Variants in DBNL observed in about 807,000 individuals in gnomAD.
The protein encoded by DBNL is drebrin-like protein.
DBNL carries 35 observed loss-of-function variants against 62.2 expected under a neutral mutation model. That is an observed-to-expected ratio of 0.56 (90% CI 0.43 to 0.75). The LOEUF is 0.75. Among genes scored for constraint, DBNL ranks in the 30% least tolerant of loss-of-function variants. The pLI, the probability that DBNL is intolerant of heterozygous loss-of-function variation, is 0.00. For missense variants in DBNL, 495 were observed against 578.4 expected (o/e 0.86, Z 1.48); for synonymous variants, 197 against 218.0 (o/e 0.90, Z 0.85).
Position 44,068,157 on chromosome 7 carries a change from G to A in DBNL, c.*7241G>A, listed in dbSNP as rs1296206469. 6.6e-6 allele frequency: 1 copy of A among 152,218 alleles called. No individual in the cohort carries two copies. Among genetic ancestry groups the A allele is most frequent in the East Asian group, 1.9e-4 (1 of 5,194 alleles). The allele number at this position is 152,218 out of a possible 1,614,324, so 9.4% of individuals were successfully genotyped here. On this transcript the variant is annotated 3_prime_UTR_variant, in exon 13 of 13. Transcript: ENST00000448521. ...AGAGGAGCCATGGCCCCAAAAGCAT[G>A]GGGCAACCACCTTCTGCAGCTCCTT...
chr7:44,059,128 C>A lies in DBNL; in HGVS notation c.835+145C>A. ...GAGAAGGGACACCTGGGGCCATTGA[C>A]CTCATCAGTGACCACACTGGTCACC... On this transcript the variant is annotated intron_variant, in intron 9 of 12. Coordinates refer to ENST00000448521, the MANE Select transcript of DBNL (RefSeq NM_001014436.3). The surrounding 1 kb of genome is among the most constrained non-coding windows in gnomAD (Gnocchi z 4.1). 1 of 982,438 alleles carries A rather than the reference C, an allele frequency of 1.0e-6. No individual in the cohort carries two copies. The highest frequency in any genetic ancestry group is 1.5e-6 in the Non-Finnish European group (1 of 662,956). The allele number at this position is 982,438 out of a possible 1,614,324, so 60.9% of individuals were successfully genotyped here.
Position 44,064,348 on chromosome 7 carries a change from C to A in DBNL, c.*3432C>A. On this transcript the variant is annotated 3_prime_UTR_variant, in exon 13 of 13. Transcript: ENST00000448521. Reference sequence around the variant, plus strand: ...CTCCAGAGGGAGATAGGTGGTGAAGCTCATGCAGGGATTCTGAGGACCTGA... The same window carrying A: ...CTCCAGAGGGAGATAGGTGGTGAAGATCATGCAGGGATTCTGAGGACCTGA... 1 of 211,156 alleles carries A rather than the reference C, an allele frequency of 4.7e-6. No individual in the cohort carries two copies. The highest frequency in any genetic ancestry group is 1.2e-4 in the East Asian group (1 of 8,430). 13.1% of individuals were successfully genotyped at this position (211,156 alleles called of 1,614,324 possible). A position where few individuals can be genotyped will look rare whatever the true frequency, so the allele number is the denominator to read the frequency against.
At position 44,058,416 on chromosome 7, in the gene DBNL, C is replaced by A. The variant is rs368738529; in HGVS notation, c.705-16C>A. ...GACTGTGCCTCAGCTGTGCCCCACC[C>A]GGCCCTTCCCAGCAGGACGTGGGAG... On this transcript the variant is annotated splice_polypyrimidine_tract_variant and intron_variant, in intron 7 of 12. Transcript: ENST00000448521. 1 of 1,614,034 alleles carries A rather than the reference C, an allele frequency of 6.2e-7. No individual in the cohort carries two copies. Among genetic ancestry groups the A allele is most frequent in the Non-Finnish European group, 8.5e-7 (1 of 1,180,022 alleles).
At chr7:44,048,141 C>T (rs1177748465) in intron 1 of DBNL, among the ~76,000 whole-genome samples, 4 of 152,188 alleles carry the variant, frequency 2.6e-5, no homozygotes, top group Non-Finnish European at 4.4e-5. Context: ...TCTCAAACTC[C>T]TAACCTCAGG....
chr7:44,064,794 C>A lies in DBNL; in HGVS notation c.*3878C>A. 4 of 526,670 alleles carry A rather than the reference C, an allele frequency of 7.6e-6. No individual in the cohort carries two copies. Among genetic ancestry groups the A allele is most frequent in the East Asian group, 5.1e-5 (1 of 19,560 alleles). 32.6% of individuals were successfully genotyped at this position (526,670 alleles called of 1,614,324 possible). On this transcript the variant is annotated 3_prime_UTR_variant, in exon 13 of 13. Coordinates refer to ENST00000448521, the MANE Select transcript of DBNL (RefSeq NM_001014436.3). ...GATGAGAAGCCAGCTGGGGCTGCTG[C>A]CCACCCACCCTGCCCAGGCTCCTGA... is the stretch of plus-strand genomic sequence containing the variant.
At chr7:44,058,820 C>A in intron 8 of DBNL, 82 bp from the exon 9 acceptor site, 1 of 1,535,830 alleles carries the variant, frequency 6.5e-7, no homozygotes, top group Non-Finnish European at 9.0e-7. Context: ...GGCTACTGGG[C>A]CGACAGCTGG....
rs1003523401 is a variant in DBNL at position 44,061,434 on chromosome 7, G to A, written c.*518G>A. 1 of 158,922 alleles carries A rather than the reference G, an allele frequency of 6.3e-6. No homozygotes were observed. Among genetic ancestry groups the A allele is most frequent in the African/African-American group, 2.4e-5 (1 of 41,512 alleles). The allele number at this position is 158,922 out of a possible 1,614,324, so 9.8% of individuals were successfully genotyped here. Reference sequence around the variant, plus strand: ...TTGGCAGCAGGGAATTTGTCTTGTTGGAGCCTGCTCTGTGCTCCCCACTCC... The same window carrying A: ...TTGGCAGCAGGGAATTTGTCTTGTTAGAGCCTGCTCTGTGCTCCCCACTCC... On this transcript the variant is annotated 3_prime_UTR_variant, in exon 13 of 13. Transcript: ENST00000448521.
rs761327805 is a variant in DBNL, at chr7:44,062,731, G to A, written c.*1815G>A. ...CGGCTGCGCTGGACTCCAGGCTGTT[G>A]GGGGAGGTGCCTTTATTGCCCAAGC... On this transcript the variant is annotated 3_prime_UTR_variant, in exon 13 of 13. Transcript: ENST00000448521. 1 of 1,610,606 alleles carries A rather than the reference G, an allele frequency of 6.2e-7. No individual in the cohort carries two copies. The highest frequency in any genetic ancestry group is 8.5e-7 in the Non-Finnish European group (1 of 1,177,720).
At chr7:44,055,104 C>A (rs1162555939) in intron 4 of DBNL, among the ~76,000 whole-genome samples, 2 of 152,160 alleles carry the variant, frequency 1.3e-5, no homozygotes, top group Admixed American at 1.3e-4. Flanking sequence ...TTGGATATAT[C>A]CCCAGCAGCT....
Position 44,059,295 on chromosome 7 carries a change from G to A in DBNL, c.836-59G>A. 1 of 1,544,514 alleles carries A rather than the reference G, an allele frequency of 6.5e-7. No individual in the cohort carries two copies. The highest frequency in any genetic ancestry group is 1.1e-5 in the South Asian group (1 of 87,182). On this transcript the variant is annotated intron_variant, in intron 9 of 12. Transcript: ENST00000448521. The surrounding 1 kb of genome is among the most constrained non-coding windows in gnomAD (Gnocchi z 4.1). ...CACACCAGGGTGGAGGGTGCTGTGGGGTGCGTGGGTGTGTGGTGGTGTTTC... is the reference window on the plus strand; with the variant it reads ...CACACCAGGGTGGAGGGTGCTGTGGAGTGCGTGGGTGTGTGGTGGTGTTTC...
chr7:44,062,375 C>T lies in DBNL; in HGVS notation c.*1459C>T, dbSNP rs1408267535. ...AGGACAGCAGAGGACCACCTGCCCTCTGCAGGAAGCTGTCCAGGAAGCCGT... is the reference window on the plus strand; with the variant it reads ...AGGACAGCAGAGGACCACCTGCCCTTTGCAGGAAGCTGTCCAGGAAGCCGT... On this transcript the variant is annotated 3_prime_UTR_variant, in exon 13 of 13. Coordinates refer to ENST00000448521, the MANE Select transcript of DBNL (RefSeq NM_001014436.3). 3.4e-6 allele frequency: 1 copy of T among 296,362 alleles called. No individual in the cohort carries two copies. Among genetic ancestry groups the T allele is most frequent in the Non-Finnish European group, 6.7e-6 (1 of 150,164 alleles). The allele number at this position is 296,362 out of a possible 1,614,324, so 18.4% of individuals were successfully genotyped here.
rs558829258 is a variant in DBNL, at chr7:44,064,844, T to C, written c.*3928T>C. ...AAGGTGGCCTCACCTTCCAGGTGCT[T>C]GACAATGCCCCGCAGGCTGTTCCCG... On this transcript the variant is annotated 3_prime_UTR_variant, in exon 13 of 13. Transcript: ENST00000448521. 13 of 1,601,804 alleles carry C rather than the reference T, an allele frequency of 8.1e-6. No individual in the cohort carries two copies. Among genetic ancestry groups the C allele is most frequent in the Non-Finnish European group, 1.1e-5 (13 of 1,175,090 alleles).
rs959144500 is a variant in DBNL at position 44,059,482 on chromosome 7, G to A, written c.931+33G>A. On this transcript the variant is annotated intron_variant, in intron 10 of 12. Coordinates refer to ENST00000448521, the MANE Select transcript of DBNL (RefSeq NM_001014436.3). This position sits in a 1 kb window ranked among gnomAD's most constrained non-coding sequence, Gnocchi z 4.1. ...GCTTGTCACCCCATGGGGACCCTGG[G>A]GGACAGCAGTGGAGAAGGGGGATGT... is the stretch of plus-strand genomic sequence containing the variant. 43 of 1,613,580 alleles carry A rather than the reference G, an allele frequency of 2.7e-5. No individual in the cohort carries two copies. The highest frequency in any genetic ancestry group is 3.6e-5 in the Non-Finnish European group (42 of 1,179,830).
intron 5 of DBNL, 132 bp from the exon 6 acceptor site, chr7:44,057,650 C>T: frequency 1.1e-6 from 1 of 890,688 alleles, no homozygotes; most frequent in Non-Finnish European, 1.7e-6. Context: ...CAGTGCTCTG[C>T]TGCCTCTGCT....
chr7:44,057,926 C>G (rs2096139496), intron 6 of DBNL, 67 bp downstream of exon 6: 2 of 1,601,354 alleles, frequency 1.2e-6, no homozygotes, highest in Non-Finnish European at 1.7e-6. Flanking sequence ...CATCTTTCCT[C>G]ACAAGTGAGC....
chr7:44,052,293 T>G (rs746163670), intron 3 of DBNL, among the ~76,000 whole-genome samples: 5 of 152,014 alleles, frequency 3.3e-5, no homozygotes, highest in African/African-American at 7.2e-5. Context: ...CAGGGCCTCC[T>G]TGATCCCTTG....
Position 44,064,807 on chromosome 7 carries a change from C to T in DBNL, c.*3891C>T. On this transcript the variant is annotated 3_prime_UTR_variant, in exon 13 of 13. Transcript: ENST00000448521. ...CTGGGGCTGCTGCCCACCCACCCTG[C>T]CCAGGCTCCTGAAGGTGGCCTCACC... 4 of 1,400,234 alleles carry T rather than the reference C, an allele frequency of 2.9e-6. No individual in the cohort carries two copies. Among genetic ancestry groups the T allele is most frequent in the Non-Finnish European group, 4.0e-6 (4 of 1,010,938 alleles). 86.7% of individuals were successfully genotyped at this position (1,400,234 alleles called of 1,614,324 possible). A position where few individuals can be genotyped will look rare whatever the true frequency, so the allele number is the denominator to read the frequency against.
At position 44,064,645 on chromosome 7, in the gene DBNL, A is replaced by G. The variant is rs764884709; in HGVS notation, c.*3729A>G. On this transcript the variant is annotated 3_prime_UTR_variant, in exon 13 of 13. Coordinates refer to ENST00000448521, the MANE Select transcript of DBNL (RefSeq NM_001014436.3). Reference sequence around the variant, plus strand: ...AGTCAGCCCCTGTGGAGTGTGTCCCAGTTACACAGAAATGGGGAAAATTTC... The same window carrying G: ...AGTCAGCCCCTGTGGAGTGTGTCCCGGTTACACAGAAATGGGGAAAATTTC... 3.2e-6 allele frequency: 2 copies of G among 631,672 alleles called. No individual in the cohort carries two copies. Among genetic ancestry groups the G allele is most frequent in the Non-Finnish European group, 5.7e-6 (2 of 353,254 alleles). 39.1% of individuals were successfully genotyped at this position (631,672 alleles called of 1,614,324 possible).
Position 44,064,795 on chromosome 7 carries a change from C to A in DBNL, c.*3879C>A. On this transcript the variant is annotated 3_prime_UTR_variant, in exon 13 of 13. Transcript: ENST00000448521. ...ATGAGAAGCCAGCTGGGGCTGCTGC[C>A]CACCCACCCTGCCCAGGCTCCTGAA... 1.1e-6 allele frequency: 1 copy of A among 937,692 alleles called. No homozygotes were observed. Among genetic ancestry groups the A allele is most frequent in the South Asian group, 1.4e-5 (1 of 73,374 alleles). The allele number at this position is 937,692 out of a possible 1,614,324, so 58.1% of individuals were successfully genotyped here. A position where few individuals can be genotyped will look rare whatever the true frequency, so the allele number is the denominator to read the frequency against.
Sources: allele counts gnomAD v4.1 joint callset (sites outside exome capture counted in the v4.1 genomes callset), GRCh38; gene constraint gnomAD v4.1.1; non-coding constraint Gnocchi (gnomAD v3.1); transcripts MANE v1.5; gene names NCBI Gene and HGNC (gene_info 2026-07-23, HGNC 2026-07-21).